GPC5: variants seen among roughly 807,000 people sequenced by gnomAD.
GPC5 encodes the protein glypican-5.
GPC5 carries 47 observed loss-of-function variants against 53.9 expected under a neutral mutation model. The ratio of observed to expected loss-of-function variants is 0.87; its 90% CI spans 0.69 to 1.11. GPC5 has a LOEUF of 1.11. Among genes scored for constraint, GPC5 ranks in the 50% most tolerant of loss-of-function variants. The pLI, the probability that GPC5 is intolerant of heterozygous loss-of-function variation, is 0.00. For missense variants in GPC5, 748 were observed against 713.1 expected, an observed-to-expected ratio of 1.05 and a Z score of -0.56; for synonymous variants, 286 against 263.3, an observed-to-expected ratio of 1.09 and a Z score of -0.84.
At chr13:92,252,048 T>C (rs532724531) in intron 7 of GPC5, among the ~76,000 whole-genome samples, 11 of 152,258 alleles carry the variant, frequency 7.2e-5, no homozygotes, top group African/African-American at 2.6e-4. Flanking sequence ...ATGTCTCATC[T>C]GAAGAGATAA....
At chr13:92,764,267 A>G (rs181811180) in intron 7 of GPC5, among the ~76,000 whole-genome samples, 2 of 152,334 alleles carry the variant, frequency 1.3e-5, no homozygotes, top group East Asian at 1.9e-4. Flanking sequence ...AAGGCTGGCT[A>G]TCAGGCAGAG....
At chr13:92,816,673 A>C (rs1877487654) in intron 7 of GPC5, among the ~76,000 whole-genome samples, 2 of 151,998 alleles carry the variant, frequency 1.3e-5, no homozygotes, top group Non-Finnish European at 2.9e-5. Flanking sequence ...CTTGAAAAGA[A>C]AACAGTATAT....
At chr13:92,139,393 C>T (rs1018074567) in intron 6 of GPC5, among the ~76,000 whole-genome samples, 3 of 152,098 alleles carry the variant, frequency 2.0e-5, no homozygotes, top group Non-Finnish European at 4.4e-5. Flanking sequence ...TATGGCTGGG[C>T]GCAGTGGCTC....
Position 92,865,121 on chromosome 13 carries a change from A to T in GPC5, c.1562-1161A>T, listed in dbSNP as rs1879299124. 2.6e-5 allele frequency among the ~76,000 whole-genome samples: 4 copies of T among 152,274 alleles called. No individual in the cohort carries two copies. The East Asian group carries it at 7.7e-4, about 29-fold the overall frequency. On this transcript the variant is annotated intron_variant, in intron 7 of 7. Coordinates refer to ENST00000377067, the MANE Select transcript of GPC5 (RefSeq NM_004466.6). ...ACTAAGGTAAACATCTTTAAAAAGC[A>T]ATTCTTTCAACCCAGTTAATTAAGG...
intron 3 of GPC5, among the ~76,000 whole-genome samples, chr13:91,719,811 T>C (rs1341892631): frequency 6.6e-6 from 1 of 150,488 alleles, no homozygotes; most frequent in African/African-American, 2.5e-5. Context: ...AAATGTTCAA[T>C]GTACTTACTC....
At chr13:91,417,131 T>C (rs1276941684) in intron 1 of GPC5, among the ~76,000 whole-genome samples, 4 of 152,188 alleles carry the variant, frequency 2.6e-5, no homozygotes, top group Admixed American at 6.5e-5. Context: ...AAGAGTCTAG[T>C]ATGATTCCCA....
At chr13:92,564,812 A>G (rs966734703) in intron 7 of GPC5, among the ~76,000 whole-genome samples, 10 of 152,110 alleles carry the variant, frequency 6.6e-5, no homozygotes, top group African/African-American at 2.4e-4. Context: ...TGCTTAGGAT[A>G]ATGGCCTCCA....
At chr13:92,129,574 A>G (rs748927471) in intron 6 of GPC5, among the ~76,000 whole-genome samples, 17 of 152,232 alleles carry the variant, frequency 1.1e-4, no homozygotes, top group Non-Finnish European at 2.1e-4. Flanking sequence ...ACAAATTTAG[A>G]ATAACCATTG....
chr13:91,925,632 C>A (rs1217986263), intron 6 of GPC5, among the ~76,000 whole-genome samples: 2 of 152,142 alleles, frequency 1.3e-5, no homozygotes, highest in Non-Finnish European at 2.9e-5. Flanking sequence ...AATATTTTCA[C>A]TTTATTCAAC....
chr13:92,438,905 G>A (rs2139383169), intron 7 of GPC5, among the ~76,000 whole-genome samples: 1 of 152,116 alleles, frequency 6.6e-6, no homozygotes, highest in Admixed American at 6.6e-5. Context: ...AAGCATGCTG[G>A]AAAAAATGAG....
At chr13:92,160,219 A>G (rs372624289) in intron 7 of GPC5, among the ~76,000 whole-genome samples, 24 of 152,194 alleles carry the variant, frequency 1.6e-4, no homozygotes, top group African/African-American at 5.3e-4. Flanking sequence ...TTTACATCCT[A>G]TTTTTGCTTT....
chr13:91,819,454 C>T (rs1157229319), intron 5 of GPC5, among the ~76,000 whole-genome samples: 2 of 152,122 alleles, frequency 1.3e-5, no homozygotes, highest in Non-Finnish European at 1.5e-5. Flanking sequence ...CCACCACACC[C>T]GGCCATATGC....
At chr13:92,000,746 A>C (rs2138752584) in intron 6 of GPC5, among the ~76,000 whole-genome samples, 1 of 152,278 alleles carries the variant, frequency 6.6e-6, no homozygotes, top group South Asian at 2.1e-4. Flanking sequence ...AGGCATAATA[A>C]GCTGTGGGAT....
At chr13:92,264,077 G>C (rs1297550386) in intron 7 of GPC5, among the ~76,000 whole-genome samples, 1 of 151,956 alleles carries the variant, frequency 6.6e-6, no homozygotes. Context: ...ATAATTATTT[G>C]TCATTTAAAA....
At chr13:92,394,742 T>G (rs931298494) in intron 7 of GPC5, among the ~76,000 whole-genome samples, 1 of 152,226 alleles carries the variant, frequency 6.6e-6, no homozygotes, top group Non-Finnish European at 1.5e-5. Flanking sequence ...AGAAAAATGT[T>G]TTATTATCAT....
At chr13:91,938,826 T>C (rs1298796230) in intron 6 of GPC5, among the ~76,000 whole-genome samples, 1 of 152,154 alleles carries the variant, frequency 6.6e-6, no homozygotes, top group African/African-American at 2.4e-5. Context: ...TGGTATACAT[T>C]GGGCAAAAGA....
At chr13:92,537,160 A>C (rs1362356254) in intron 7 of GPC5, among the ~76,000 whole-genome samples, 1 of 152,158 alleles carries the variant, frequency 6.6e-6, no homozygotes, top group Non-Finnish European at 1.5e-5. Context: ...ACAATCTTTT[A>C]AATGTAAATA....
At chr13:91,509,515 AGTT>A (rs1885125136) in intron 2 of GPC5, among the ~76,000 whole-genome samples, 1 of 151,528 alleles carries the variant, frequency 6.6e-6, no homozygotes, top group African/African-American at 2.4e-5. Flanking sequence ...ATTCATGAAA[AGTT>A]GATGTGATTA....
chr13:92,714,994 G>T (rs1446434804), intron 7 of GPC5, among the ~76,000 whole-genome samples: 5 of 152,126 alleles, frequency 3.3e-5, no homozygotes, highest in African/African-American at 1.2e-4. Context: ...GAACCTGGGA[G>T]GCAGAAGTTG....
Sources: allele counts gnomAD v4.1 joint callset (sites outside exome capture counted in the v4.1 genomes callset), GRCh38; gene constraint gnomAD v4.1.1; transcripts MANE v1.5; gene names NCBI Gene and HGNC (gene_info 2026-07-23, HGNC 2026-07-21).